KIAA1217: variants seen among roughly 807,000 people sequenced by gnomAD.
The protein encoded by KIAA1217 is sickle tail protein homolog.
A neutral mutation model predicts 163.9 loss-of-function variants in KIAA1217; 88 were observed. That is an observed-to-expected ratio of 0.54 (90% CI 0.45 to 0.64). KIAA1217 has a LOEUF of 0.64. Among genes scored for constraint, KIAA1217 ranks in the 30% least tolerant of loss-of-function variants. The pLI, the probability that KIAA1217 is intolerant of heterozygous loss-of-function variation, is 0.00. For missense variants in KIAA1217, 2,372 were observed against 2,475.0 expected, an observed-to-expected ratio of 0.96 and a Z score of 0.88; for synonymous variants, 903 against 923.1, an observed-to-expected ratio of 0.98 and a Z score of 0.39.
At chr10:24,033,294 C>T (rs1017066077) in intron 2 of KIAA1217, among the ~76,000 whole-genome samples, 1 of 152,262 alleles carries the variant, frequency 6.6e-6, no homozygotes, top group South Asian at 2.1e-4. Flanking sequence ...AACTTACAAG[C>T]CTTTGTCTTG....
intron 1 of KIAA1217, among the ~76,000 whole-genome samples, chr10:23,720,425 GATTAT>G (rs1175334429): frequency 6.6e-6 from 1 of 152,156 alleles, no homozygotes; most frequent in African/African-American, 2.4e-5. Context: ...TAATAAAACT[GATTAT>G]AGGTAGTATT....
intron 1 of KIAA1217, among the ~76,000 whole-genome samples, chr10:23,875,512 C>T (rs554902465): frequency 5.8e-4 from 88 of 151,862 alleles, no homozygotes; most frequent in African/African-American, 1.6e-3. Flanking sequence ...TTATATGGTA[C>T]GGTAGTGGAT....
intron 1 of KIAA1217, among the ~76,000 whole-genome samples, chr10:23,987,971 T>C (rs1281622758): frequency 1.3e-5 from 2 of 152,374 alleles, no homozygotes; most frequent in East Asian, 3.8e-4. Context: ...TTTGTTTATG[T>C]GGGTTCTCTC....
intron 3 of KIAA1217, among the ~76,000 whole-genome samples, chr10:24,420,895 A>C (rs1271674856): frequency 6.6e-6 from 1 of 152,154 alleles, no homozygotes; most frequent in Admixed American, 6.5e-5. Context: ...TCCGTGTGCC[A>C]AGCCACACTG....
chr10:24,102,593 A>G (rs796647531), intron 2 of KIAA1217, among the ~76,000 whole-genome samples: 19 of 152,336 alleles, frequency 1.2e-4, no homozygotes, highest in African/African-American at 4.6e-4. Flanking sequence ...CACCATATTG[A>G]AGGAGAAGAA....
Position 23,752,572 on chromosome 10 carries a change from A to G in KIAA1217, c.-321+57338A>G, listed in dbSNP as rs192050839. 9.2e-5 allele frequency among the ~76,000 whole-genome samples: 14 copies of G among 152,304 alleles called. No individual in the cohort carries two copies. In the East Asian group the frequency reaches 2.3e-3, roughly 25 times the overall value. On this transcript the variant is annotated intron_variant, in intron 1 of 18. Transcript: ENST00000376462. ...ATAACGTTCATTTTTATTTTCATTA[A>G]CTCAGAATTAAGAACTGTGTTATAA...
intron 1 of KIAA1217, among the ~76,000 whole-genome samples, chr10:23,944,152 CGGT>C (rs1843910563): frequency 6.6e-6 from 1 of 152,138 alleles, no homozygotes; most frequent in Non-Finnish European, 1.5e-5. Context: ...AGGCCGGGCA[CGGT>C]GGCTCATGCC....
chr10:24,130,966 A>G (rs1260837476), intron 2 of KIAA1217, among the ~76,000 whole-genome samples: 1 of 152,214 alleles, frequency 6.6e-6, no homozygotes, highest in Non-Finnish European at 1.5e-5. Context: ...TAAAGTTTGT[A>G]AAGATTGGTG....
chr10:24,396,612 G>A (rs1470635580), intron 3 of KIAA1217, among the ~76,000 whole-genome samples: 3 of 152,180 alleles, frequency 2.0e-5, no homozygotes, highest in Non-Finnish European at 2.9e-5. Context: ...TTCGAGCCAT[G>A]ACCTGGAGCA....
At chr10:23,717,563 A>G (rs1837650224) in intron 1 of KIAA1217, among the ~76,000 whole-genome samples, 1 of 152,174 alleles carries the variant, frequency 6.6e-6, no homozygotes, top group Non-Finnish European at 1.5e-5. Flanking sequence ...TTGGAGTTCT[A>G]AAATCAAAAG....
chr10:23,964,118 G>A (rs1426524269), intron 1 of KIAA1217, among the ~76,000 whole-genome samples: 1 of 151,786 alleles, frequency 6.6e-6, no homozygotes, highest in Non-Finnish European at 1.5e-5. Context: ...TGGCTAGGAT[G>A]GTCCCCATCT....
At chr10:24,267,857 C>T (rs1429121731) in intron 2 of KIAA1217, among the ~76,000 whole-genome samples, 1 of 152,160 alleles carries the variant, frequency 6.6e-6, no homozygotes, top group Non-Finnish European at 1.5e-5. Context: ...CATGGTTTGC[C>T]TAAGAGTACT....
chr10:24,192,486 A>C (rs1294403055), intron 2 of KIAA1217, among the ~76,000 whole-genome samples: 1 of 152,178 alleles, frequency 6.6e-6, no homozygotes, highest in African/African-American at 2.4e-5. Context: ...CAAAGCAATC[A>C]TTGCGACCTT....
At chr10:23,918,201 G>C (rs375575697) in intron 1 of KIAA1217, among the ~76,000 whole-genome samples, 43 of 147,792 alleles carry the variant, frequency 2.9e-4, no homozygotes, top group African/African-American at 9.1e-4. Context: ...TCATTCCCCA[G>C]GTTGTTCTCA....
chr10:24,518,574 T>C (rs541148832), intron 10 of KIAA1217, among the ~76,000 whole-genome samples: 1 of 152,244 alleles, frequency 6.6e-6, no homozygotes, highest in South Asian at 2.1e-4. Flanking sequence ...ACCAGGAAAA[T>C]ATTTGGTCCT....
chr10:23,949,863 C>A (rs1039164359), intron 1 of KIAA1217, among the ~76,000 whole-genome samples: 1 of 152,168 alleles, frequency 6.6e-6, no homozygotes, highest in Non-Finnish European at 1.5e-5. Flanking sequence ...ATACGGTGAA[C>A]TGGCATTAAA....
At chr10:23,740,843 G>T (rs1839069440) in intron 1 of KIAA1217, among the ~76,000 whole-genome samples, 1 of 152,068 alleles carries the variant, frequency 6.6e-6, no homozygotes, top group African/African-American at 2.4e-5. Flanking sequence ...CAGGAGAATT[G>T]CTTGAACCAG....
intron 2 of KIAA1217, among the ~76,000 whole-genome samples, chr10:24,076,931 C>T (rs186091905): frequency 2.0e-5 from 3 of 146,548 alleles, no homozygotes; most frequent in East Asian, 2.0e-4. Context: ...GGCTAGTGTG[C>T]GACAGTGCAA....
At chr10:24,136,968 C>A (rs956807031) in intron 2 of KIAA1217, among the ~76,000 whole-genome samples, 10 of 152,176 alleles carry the variant, frequency 6.6e-5, no homozygotes, top group African/African-American at 2.4e-4. Flanking sequence ...ATACAATATA[C>A]TCTGGCATCA....
Sources: gnomAD v4.1 joint callset for allele counts (sites outside exome capture counted in the v4.1 genomes callset) on GRCh38, gnomAD v4.1.1 for gene constraint, MANE v1.5 for transcripts, NCBI Gene and HGNC (gene_info 2026-07-23, HGNC 2026-07-21) for gene names.